Variants in ZNF618 observed in about 807,000 individuals in gnomAD.
ZNF618 encodes the protein neural precursor cell expressed, developmentally down-regulated 10.
A neutral mutation model predicts 103.0 loss-of-function variants in ZNF618; 34 were observed. That is an observed-to-expected ratio of 0.33 (90% confidence interval 0.25 to 0.44). ZNF618 has a LOEUF of 0.44. ZNF618 is among the 20% of genes least tolerant of loss of function. The probability of loss-of-function intolerance (pLI) is 1.00; values close to 1 mark genes in which losing one functional copy is unlikely to be tolerated. For missense variants in ZNF618, 1,059 were observed against 1,295.4 expected (o/e 0.82, Z 2.80); for synonymous variants, 551 against 542.2 (o/e 1.02, Z -0.23).
In ZNF618 at chr9:114,022,517, A is replaced by C. The variant is rs144661781; in HGVS notation, c.844+5733A>C. On this transcript the variant is annotated intron_variant, in intron 10 of 14. Transcript: ENST00000374126. ...ATTGTGGTCAGAGAACATATTCTGT[A>C]TTTTCCAGTCTTCAAAATTCATTGA... 2.2e-3 allele frequency among the ~76,000 whole-genome samples: 297 copies of C among 134,928 alleles called. 1 individual carries two copies. The highest frequency in any genetic ancestry group is 8.0e-3 in the African/African-American group (289 of 36,106). 88.5% of individuals were successfully genotyped at this position (134,928 alleles called of 152,430 possible).
At chr9:113,948,034 G>A (rs554598938) in intron 1 of ZNF618, among the ~76,000 whole-genome samples, 51 of 152,236 alleles carry the variant, frequency 3.4e-4, no homozygotes, top group Non-Finnish European at 6.6e-4. Context: ...GGCAGAGCTG[G>A]GTAGATTGCA....
chr9:113,919,229 A>ATGACT (rs1322548771), intron 1 of ZNF618, among the ~76,000 whole-genome samples: 3 of 152,040 alleles, frequency 2.0e-5, no homozygotes, highest in Non-Finnish European at 4.4e-5. Flanking sequence ...CTTGTGGCTA[A>ATGACT]TGACTTGGTT....
chr9:114,008,632 G>C, intron 9 of ZNF618, 78 bp downstream of exon 9: 2 of 1,527,172 alleles, frequency 1.3e-6, no homozygotes, highest in Non-Finnish European at 9.0e-7. Flanking sequence ...CACTGCTAGG[G>C]CAGGGGTAGC....
At chr9:114,020,690 GA>G (rs1161317186) in intron 10 of ZNF618, among the ~76,000 whole-genome samples, 1 of 152,004 alleles carries the variant, frequency 6.6e-6, no homozygotes, top group African/African-American at 2.4e-5. Flanking sequence ...AGTTCTAATA[GA>G]TTTTTTTAGA....
chr9:113,905,659 G>T (rs1032213964), intron 1 of ZNF618, among the ~76,000 whole-genome samples: 1 of 152,212 alleles, frequency 6.6e-6, no homozygotes, highest in African/African-American at 2.4e-5. Flanking sequence ...TCTGAGAATG[G>T]TTCTGCTTGG....
chr9:114,040,799 A>G (rs1056688527), intron 13 of ZNF618, among the ~76,000 whole-genome samples: 2 of 152,228 alleles, frequency 1.3e-5, no homozygotes, highest in Non-Finnish European at 2.9e-5. Context: ...ATACGTGTGC[A>G]TGTGTCTTTA....
chr9:113,977,881 A>G (rs972472289), intron 2 of ZNF618, among the ~76,000 whole-genome samples: 4 of 152,212 alleles, frequency 2.6e-5, no homozygotes, highest in Admixed American at 6.5e-5. Context: ...TAACTTAACC[A>G]GGAAATTTAC....
rs1839021637 is a variant in ZNF618 at position 113,982,013 on chromosome 9, G to GAGAGAGAC, written c.78-6303_78-6302insGACAGAGA. ...GTCAGGTGAGACCCAGAGAGAGAGA[G>GAGAGAGAC]AGAGACATTTGTTTGTTTCTGAAAC... On this transcript the variant is annotated intron_variant, in intron 2 of 14. Coordinates refer to ENST00000374126, the MANE Select transcript of ZNF618 (RefSeq NM_001318042.2). Among the ~76,000 whole-genome samples, 5 of 152,098 alleles carry GAGAGAGAC rather than the reference G, an allele frequency of 3.3e-5. No homozygotes were observed. In the South Asian group the frequency reaches 1.0e-3, roughly 32 times the overall value.
chr9:113,885,849 TTG>T (rs1308540983), intron 1 of ZNF618, among the ~76,000 whole-genome samples: 7 of 152,204 alleles, frequency 4.6e-5, no homozygotes, highest in Non-Finnish European at 1.0e-4. Flanking sequence ...GAGGATGGTA[TTG>T]AGTCGACAAA....
At chr9:113,989,115 G>GGT (rs1488714246) in intron 3 of ZNF618, among the ~76,000 whole-genome samples, 2 of 152,212 alleles carry the variant, frequency 1.3e-5, no homozygotes, top group African/African-American at 4.8e-5. Context: ...ATGCACCAGG[G>GGT]ATACCCCTCA....
Position 114,048,815 on chromosome 9 carries a change from C to A in ZNF618, c.1513C>A (p.Arg505Ser). The change falls in exon 15 of 15, where the codon CGC becomes AGC. Residue 505 changes from arginine to serine, a missense_variant. This residue lies in a region of ZNF618 where 434 missense variants were observed against 476.0 expected (regional missense o/e 0.91). Transcript: ENST00000374126. ...LAQTLVDSGA[R>S]YGAFSVTEIL... Reference sequence around the variant, plus strand: ...CCAGACCTTAGTAGACAGTGGTGCCCGCTATGGGGCCTTCTCGGTCACTGA... The same window carrying A: ...CCAGACCTTAGTAGACAGTGGTGCCAGCTATGGGGCCTTCTCGGTCACTGA... The A allele has an allele frequency of 6.2e-7, 1 of 1,613,428 alleles. No individual in the cohort carries two copies. The highest frequency in any genetic ancestry group is 1.1e-5 in the South Asian group (1 of 91,002).
At chr9:113,958,177 C>A (rs1018343383) in intron 1 of ZNF618, among the ~76,000 whole-genome samples, 10 of 152,168 alleles carry the variant, frequency 6.6e-5, no homozygotes, top group African/African-American at 2.4e-4. Flanking sequence ...TCCAAGGTCA[C>A]CCCACCAGCC....
At chr9:113,911,116 G>A (rs1463617358) in intron 1 of ZNF618, among the ~76,000 whole-genome samples, 1 of 152,154 alleles carries the variant, frequency 6.6e-6, no homozygotes, top group African/African-American at 2.4e-5. Context: ...TCACAGGAGT[G>A]AGCCACCGCG....
chr9:113,993,124 C>G (rs1840232467), intron 3 of ZNF618, among the ~76,000 whole-genome samples: 1 of 152,188 alleles, frequency 6.6e-6, no homozygotes, highest in African/African-American at 2.4e-5. Flanking sequence ...GCAGGAACAG[C>G]TCTGTACAGC....
chr9:114,016,080 T>G, intron 9 of ZNF618: 1 of 1,543,814 alleles, frequency 6.5e-7, no homozygotes, highest in Non-Finnish European at 9.0e-7. Context: ...ATTCTGTATT[T>G]GTATTTATCA....
Position 114,008,386 on chromosome 9 carries a change from C to T in ZNF618, c.676+7C>T, listed in dbSNP as rs1169149374. 3 of 1,613,996 alleles carry T rather than the reference C, an allele frequency of 1.9e-6. No individual in the cohort carries two copies. Among genetic ancestry groups the T allele is most frequent in the Non-Finnish European group, 1.7e-6 (2 of 1,179,882 alleles). On this transcript the variant is annotated splice_region_variant and intron_variant, in intron 8 of 14. Transcript: ENST00000374126. The stretch of plus-strand genomic sequence containing the variant: ...GCCCCTGAGAACCGGGCAGGTAAGT[C>T]CTTGGTGTCTGCTTGTCACCTCCCC...
At chr9:113,992,496 G>A (rs1840167694) in intron 3 of ZNF618, among the ~76,000 whole-genome samples, 1 of 152,148 alleles carries the variant, frequency 6.6e-6, no homozygotes, top group African/African-American at 2.4e-5. Flanking sequence ...GTGTGCATTC[G>A]TTGTCCTGGT....
At chr9:113,961,668 G>A (rs1199125394) in intron 1 of ZNF618, among the ~76,000 whole-genome samples, 1 of 152,216 alleles carries the variant, frequency 6.6e-6, no homozygotes, top group Non-Finnish European at 1.5e-5. Context: ...ACATACCACT[G>A]AATGTGATCT....
At chr9:113,914,621 A>T (rs17200714) in intron 1 of ZNF618, among the ~76,000 whole-genome samples, 29,186 of 152,200 alleles carry the variant, frequency 0.19, 3,459 homozygotes, top group Non-Finnish European at 0.26. Flanking sequence ...TGTGTAAGGA[A>T]TCATTCTATT....
Sources: gnomAD v4.1 joint callset for allele counts (sites outside exome capture counted in the v4.1 genomes callset) on GRCh38, gnomAD v4.1.1 for gene constraint, gnomAD v4.1.1 regional missense constraint, MANE v1.5 for transcripts, NCBI Gene and HGNC (gene_info 2026-07-23, HGNC 2026-07-21) for gene names.